Variants in B3GALT1 observed in about 807,000 individuals in gnomAD.
The protein encoded by B3GALT1 is beta-1,3-galactosyltransferase 1.
In B3GALT1, 10 loss-of-function variants were observed where a neutral mutation model predicts 23.2. The ratio of observed to expected loss-of-function variants is 0.43; its 90% CI spans 0.27 to 0.73. The LOEUF (loss-of-function observed/expected upper bound fraction) is 0.73. Among genes scored for constraint, B3GALT1 ranks in the 30% least tolerant of loss-of-function variants. The pLI is 0.21. For missense variants in B3GALT1, 299 were observed against 405.4 expected (o/e 0.74, Z 2.25); for synonymous variants, 156 against 141.5 (o/e 1.10, Z -0.73).
At chr2:167,585,637 C>T (rs78102478) in intron 2 of B3GALT1, among the ~76,000 whole-genome samples, 2,187 of 152,264 alleles carry the variant, frequency 0.014, 29 homozygotes, top group South Asian at 0.052. Context: ...TCTACCAAAA[C>T]TTAACATCTA....
chr2:167,350,994 C>T (rs1221925296), intron 1 of B3GALT1, among the ~76,000 whole-genome samples: 2 of 152,176 alleles, frequency 1.3e-5, no homozygotes, highest in African/African-American at 2.4e-5. Context: ...TTCGGCTGGG[C>T]GTGGTGGCTC....
At chr2:167,589,830 A>G (rs927079230) in intron 2 of B3GALT1, among the ~76,000 whole-genome samples, 1 of 152,174 alleles carries the variant, frequency 6.6e-6, no homozygotes, top group Admixed American at 6.5e-5. Context: ...TTCTTATTTC[A>G]TTAGTATTGA....
chr2:167,623,298 A>G (rs1212746330), intron 2 of B3GALT1, among the ~76,000 whole-genome samples: 2 of 152,138 alleles, frequency 1.3e-5, no homozygotes, highest in Non-Finnish European at 2.9e-5. Flanking sequence ...AAATCATTCT[A>G]CTATAAAGAC....
At chr2:167,839,416 C>T (rs1689578483) in intron 4 of B3GALT1, among the ~76,000 whole-genome samples, 1 of 152,268 alleles carries the variant, frequency 6.6e-6, no homozygotes, top group African/African-American at 2.4e-5. Context: ...CATGAGTGAA[C>T]TTCCATTCAC....
Position 167,873,554 on chromosome 2 carries a change from G to T in B3GALT1, c.*3534G>T, listed in dbSNP as rs981374990. On this transcript the variant is annotated 3_prime_UTR_variant, in exon 5 of 5. Transcript: ENST00000392690. ...ATTTTTTACCTTTCCTAATATGTGGGTTTAGTGGGAGAATTGATTATGTCA... is the reference window on the plus strand; with the variant it reads ...ATTTTTTACCTTTCCTAATATGTGGTTTTAGTGGGAGAATTGATTATGTCA... The T allele has an allele frequency of 6.6e-6, 1 of 152,168 alleles. No homozygotes were observed. The highest frequency in any genetic ancestry group is 2.1e-4 in the South Asian group (1 of 4,830). 9.4% of individuals were successfully genotyped at this position (152,168 alleles called of 1,614,324 possible).
intron 3 of B3GALT1, among the ~76,000 whole-genome samples, chr2:167,758,334 G>A (rs1687849786): frequency 6.6e-6 from 1 of 152,102 alleles, no homozygotes. Context: ...TGGTGTGTTG[G>A]CTTCATTTTT....
At chr2:167,453,031 C>A (rs1175360052) in intron 1 of B3GALT1, among the ~76,000 whole-genome samples, 1 of 152,122 alleles carries the variant, frequency 6.6e-6, no homozygotes, top group Non-Finnish European at 1.5e-5. Flanking sequence ...AATTGTAATG[C>A]CAAGTAAAGT....
intron 2 of B3GALT1, among the ~76,000 whole-genome samples, chr2:167,601,965 T>A (rs1415888385): frequency 6.6e-6 from 1 of 152,040 alleles, no homozygotes; most frequent in Non-Finnish European, 1.5e-5. Context: ...TTTATCACAG[T>A]CCAAAATAAG....
intron 2 of B3GALT1, among the ~76,000 whole-genome samples, chr2:167,641,323 G>A (rs1685649525): frequency 6.6e-6 from 1 of 152,074 alleles, no homozygotes; most frequent in Non-Finnish European, 1.5e-5. Flanking sequence ...CACTCCAAGT[G>A]CTTCACTGCT....
At chr2:167,731,249 G>A (rs922685560) in intron 3 of B3GALT1, among the ~76,000 whole-genome samples, 3 of 152,162 alleles carry the variant, frequency 2.0e-5, no homozygotes, top group African/African-American at 4.8e-5. Context: ...ACAAAAATTG[G>A]CACCTAGCTA....
intron 1 of B3GALT1, among the ~76,000 whole-genome samples, chr2:167,312,531 G>A (rs561621241): frequency 8.5e-5 from 13 of 152,068 alleles, no homozygotes; most frequent in African/African-American, 2.6e-4. Context: ...CAAAAAAACC[G>A]AGAGAAACTG....
intron 1 of B3GALT1, among the ~76,000 whole-genome samples, chr2:167,318,998 A>G (rs1696762118): frequency 2.0e-5 from 3 of 152,072 alleles, no homozygotes; most frequent in Admixed American, 6.5e-5. Context: ...AGCCACTTCT[A>G]TTTATGTTGT....
rs117317299 is a variant in B3GALT1 at position 167,467,105 on chromosome 2, C to T, written c.-510-23072C>T. 7.4e-4 allele frequency among the ~76,000 whole-genome samples: 112 copies of T among 151,524 alleles called. 1 individual carries two copies. The East Asian group carries it at 0.018, about 24-fold the overall frequency. Reference sequence around the variant, plus strand: ...CTCCGGATGGATGCAAATTTGTCTACAATTTTTTTTTTTAGTCAACGTAAT... The same window carrying T: ...CTCCGGATGGATGCAAATTTGTCTATAATTTTTTTTTTTAGTCAACGTAAT... On this transcript the variant is annotated intron_variant, in intron 1 of 4. Coordinates refer to ENST00000392690, the MANE Select transcript of B3GALT1 (RefSeq NM_020981.4).
intron 3 of B3GALT1, among the ~76,000 whole-genome samples, chr2:167,818,095 C>A (rs1169947364): frequency 6.6e-6 from 1 of 152,222 alleles, no homozygotes; most frequent in Non-Finnish European, 1.5e-5. Flanking sequence ...TAGGTAAAAG[C>A]TGGCCATCCA....
intron 1 of B3GALT1, among the ~76,000 whole-genome samples, chr2:167,489,558 T>C (rs1699675336): frequency 6.6e-6 from 1 of 152,184 alleles, no homozygotes; most frequent in Non-Finnish European, 1.5e-5. Flanking sequence ...CAGAAAAGAA[T>C]GCCTGAGACT....
intron 2 of B3GALT1, among the ~76,000 whole-genome samples, chr2:167,552,493 A>G (rs988977078): frequency 2.0e-5 from 3 of 152,244 alleles, no homozygotes; most frequent in African/African-American, 7.2e-5. Context: ...GATAAGTAGT[A>G]AAACAAATTT....
In B3GALT1 at chr2:167,872,990, A is replaced by T. The variant is rs1690381886; in HGVS notation, c.*2970A>T. ...CCCTTCGTTTTTTGAATGTTCAAAA[A>T]ATGTTTAAGTGATCAAGAAAAAGCT... On this transcript the variant is annotated 3_prime_UTR_variant, in exon 5 of 5. Transcript: ENST00000392690. The T allele has an allele frequency of 6.6e-6, 1 of 152,194 alleles. No individual in the cohort carries two copies. The allele number at this position is 152,194 out of a possible 1,614,324, so 9.4% of individuals were successfully genotyped here.
At chr2:167,379,228 G>A (rs766470130) in intron 1 of B3GALT1, among the ~76,000 whole-genome samples, 1 of 151,990 alleles carries the variant, frequency 6.6e-6, no homozygotes, top group Non-Finnish European at 1.5e-5. Context: ...ATCAGATCTC[G>A]TGAGAACTCT....
At chr2:167,584,098 G>C (rs578088972) in intron 2 of B3GALT1, among the ~76,000 whole-genome samples, 4 of 152,286 alleles carry the variant, frequency 2.6e-5, no homozygotes, top group African/African-American at 9.6e-5. Flanking sequence ...ATGTAGTCAA[G>C]TGGACCTGGC....
Sources: allele counts gnomAD v4.1 joint callset (sites outside exome capture counted in the v4.1 genomes callset), GRCh38; gene constraint gnomAD v4.1.1; transcripts MANE v1.5; gene names NCBI Gene and HGNC (gene_info 2026-07-23, HGNC 2026-07-21).